Variants in ERG observed in about 807,000 individuals in gnomAD.
ERG encodes the protein ETS transcription factor ERG.
In ERG, 9 loss-of-function variants were observed where a neutral mutation model predicts 55.3. The observed-to-expected ratio is 0.16, with a 90% CI of 0.10 to 0.28. The LOEUF (loss-of-function observed/expected upper bound fraction) is 0.28. ERG is among the 10% of genes least tolerant of loss of function. ERG has a pLI of 1.00. For missense variants in ERG, 434 were observed against 631.6 expected (o/e 0.69, Z 3.35); for synonymous variants, 223 against 237.3 (o/e 0.94, Z 0.55).
intron 2 of ERG, among the ~76,000 whole-genome samples, chr21:38,573,320 G>T (rs540525248): frequency 1.3e-5 from 2 of 152,346 alleles, no homozygotes; most frequent in South Asian, 2.1e-4. Flanking sequence ...CTGTGCTGAG[G>T]TGGATTAGTA....
chr21:38,429,909 G>T (rs937117515), intron 2 of ERG, among the ~76,000 whole-genome samples: 4 of 152,056 alleles, frequency 2.6e-5, no homozygotes, highest in Admixed American at 2.6e-4. Flanking sequence ...GGGATTGCTG[G>T]ATCAAATGGT....
chr21:38,617,019 A>G (rs939634723), intron 1 of ERG, among the ~76,000 whole-genome samples: 1 of 152,192 alleles, frequency 6.6e-6, no homozygotes, highest in Admixed American at 6.5e-5. Context: ...TTCTAAAATT[A>G]CCTGCCTGAA....
At chr21:38,501,720 G>A (rs2059422886), upstream of ERG, among the ~76,000 whole-genome samples, 1 of 152,134 alleles carries the variant, frequency 6.6e-6, no homozygotes, top group Non-Finnish European at 1.5e-5. Flanking sequence ...CACTAGACCA[G>A]CACAGCCCAT....
chr21:38,645,708 G>C (rs111660294), intron 1 of ERG, among the ~76,000 whole-genome samples: 1 of 152,208 alleles, frequency 6.6e-6, no homozygotes, highest in Admixed American at 6.5e-5. Flanking sequence ...GTATTTGCTT[G>C]AATTTAAACA....
chr21:38,406,699 T>C (rs1368919436), intron 3 of ERG, among the ~76,000 whole-genome samples: 3 of 152,186 alleles, frequency 2.0e-5, no homozygotes, highest in African/African-American at 7.2e-5. Context: ...AGAAATAAGT[T>C]CATTCTGGGA....
At chr21:38,390,959 A>C in intron 9 of ERG, 36 bp downstream of exon 9, 8 of 1,580,496 alleles carry the variant, frequency 5.1e-6, no homozygotes, top group Non-Finnish European at 6.9e-6. Flanking sequence ...GCCAAAAAGT[A>C]ATTTTGTAAG....
intron 1 of ERG, among the ~76,000 whole-genome samples, chr21:38,487,604 A>C (rs1020966814): frequency 6.6e-6 from 1 of 152,186 alleles, no homozygotes; most frequent in African/African-American, 2.4e-5. Flanking sequence ...GCAGCACTGG[A>C]AACAATACAG....
At chr21:38,418,270 AGTGTGT>A (rs71184622) in intron 3 of ERG, among the ~76,000 whole-genome samples, 1 of 130,334 alleles carries the variant, frequency 7.7e-6, no homozygotes, top group East Asian at 2.3e-4. Context: ...AACATTTGGA[AGTGTGT>A]GTGTGTGTGT....
chr21:38,496,038 ACT>A (rs560947443), intron 1 of ERG, among the ~76,000 whole-genome samples: 136 of 152,238 alleles, frequency 8.9e-4, no homozygotes, highest in African/African-American at 3.2e-3. Flanking sequence ...ATAAATGAAC[ACT>A]CTCACATAAG....
intron 1 of ERG, among the ~76,000 whole-genome samples, chr21:38,601,472 A>T (rs116709879): frequency 2.5e-4 from 38 of 152,314 alleles, no homozygotes; most frequent in African/African-American, 8.9e-4. Flanking sequence ...GAGATAAATG[A>T]ATAAATATTT....
chr21:38,592,901 T>C (rs2060109523), intron 1 of ERG, among the ~76,000 whole-genome samples: 3 of 152,212 alleles, frequency 2.0e-5, no homozygotes, highest in Admixed American at 2.0e-4. Context: ...AGGGTCAACC[T>C]TTCTTTCATT....
At chr21:38,497,384 A>C (rs2059388391) in intron 1 of ERG, among the ~76,000 whole-genome samples, 1 of 152,210 alleles carries the variant, frequency 6.6e-6, no homozygotes, top group African/African-American at 2.4e-5. Context: ...AAAGACATGC[A>C]ACAAACACAA....
At chr21:38,478,490 G>A (rs1261520510) in intron 1 of ERG, among the ~76,000 whole-genome samples, 2 of 152,082 alleles carry the variant, frequency 1.3e-5, no homozygotes, top group Non-Finnish European at 2.9e-5. Context: ...GGTGAAGATG[G>A]GCTATGGGCA....
chr21:38,654,867 T>C (rs1325087712), intron 1 of ERG, among the ~76,000 whole-genome samples: 3 of 152,200 alleles, frequency 2.0e-5, no homozygotes, highest in Non-Finnish European at 4.4e-5. Context: ...TTTGTAAATC[T>C]GGCAGCAGGC....
intron 1 of ERG, among the ~76,000 whole-genome samples, chr21:38,619,120 G>A (rs544655167): frequency 6.6e-6 from 1 of 152,222 alleles, no homozygotes; most frequent in South Asian, 2.1e-4. Context: ...CTCCAAGATG[G>A]TGTCAATGAC....
chr21:38,617,458 G>A (rs1255889685), intron 1 of ERG, among the ~76,000 whole-genome samples: 1 of 152,156 alleles, frequency 6.6e-6, no homozygotes, highest in Non-Finnish European at 1.5e-5. Flanking sequence ...ACACACTAAA[G>A]TCCATCACTG....
upstream of ERG, among the ~76,000 whole-genome samples, chr21:38,588,759 C>A (rs759705409): frequency 5.9e-5 from 9 of 152,114 alleles, no homozygotes; most frequent in Non-Finnish European, 1.0e-4. Flanking sequence ...TCTCTGTCAT[C>A]CAGGCTGGTG....
chr21:38,566,984 T>C (rs1295628955), intron 2 of ERG, among the ~76,000 whole-genome samples: 3 of 152,186 alleles, frequency 2.0e-5, no homozygotes, highest in Non-Finnish European at 4.4e-5. Context: ...ATTGTGAATC[T>C]CCTCCAAACC....
intron 2 of ERG, among the ~76,000 whole-genome samples, chr21:38,564,764 T>C (rs554480262): frequency 2.2e-4 from 34 of 151,896 alleles, no homozygotes; most frequent in Non-Finnish European, 3.8e-4. Context: ...TCTTCTCAGC[T>C]CCTCTGTAGT....
Sources: gnomAD v4.1 joint callset for allele counts (sites outside exome capture counted in the v4.1 genomes callset) on GRCh38, gnomAD v4.1.1 for gene constraint, MANE v1.5 for transcripts, NCBI Gene and HGNC (gene_info 2026-07-23, HGNC 2026-07-21) for gene names.